KIF5C: variants seen among roughly 807,000 people sequenced by gnomAD.
KIF5C encodes kinesin heavy chain isoform 5C.
A neutral mutation model predicts 125.2 loss-of-function variants in KIF5C; 18 were observed. That is an observed-to-expected ratio of 0.14 (90% confidence interval 0.10 to 0.21). The LOEUF (loss-of-function observed/expected upper bound fraction) is 0.21. Ranked by LOEUF, KIF5C falls within the 10% of genes least tolerant of loss-of-function variation. The probability of loss-of-function intolerance (pLI) is 1.00; values close to 1 mark genes in which losing one functional copy is unlikely to be tolerated. For missense variants in KIF5C, 780 were observed against 1,183.8 expected (o/e 0.66, Z 5.01); for synonymous variants, 405 against 434.0 (o/e 0.93, Z 0.83).
intron 1 of KIF5C, among the ~76,000 whole-genome samples, chr2:148,913,125 G>A (rs577775158): frequency 6.6e-6 from 1 of 152,316 alleles, no homozygotes; most frequent in East Asian, 1.9e-4. Flanking sequence ...TCCATAATAT[G>A]TAGAAGCAAG....
intron 2 of KIF5C, among the ~76,000 whole-genome samples, chr2:148,925,233 G>A (rs1365430650): frequency 1.3e-5 from 2 of 152,156 alleles, no homozygotes; most frequent in African/African-American, 2.4e-5. Context: ...AACTTGGAGC[G>A]GCACAGGGTG....
intron 3 of KIF5C, among the ~76,000 whole-genome samples, chr2:148,935,780 A>G (rs1186755623): frequency 6.6e-6 from 1 of 152,218 alleles, no homozygotes; most frequent in Non-Finnish European, 1.5e-5. Flanking sequence ...AGCACTTTAT[A>G]TATCCTATTT....
Position 148,922,196 on chromosome 2 carries a change from T to C in KIF5C, c.186T>C (p.Val62=). 1 of 1,613,250 alleles carries C rather than the reference T, an allele frequency of 6.2e-7. No individual in the cohort carries two copies. The highest frequency in any genetic ancestry group is 8.5e-7 in the Non-Finnish European group (1 of 1,179,486). The part of the protein sequence containing the change: ...VLPPNTTQEQ[V]YNACAKQIVK... ...CTCCCAACACGACCCAAGAGCAGGT[T>C]TACAATGCATGTGCGAAGCAAATTG... Residue 62 remains valine (V), a synonymous_variant, in exon 2 of 26, where the codon GTT becomes GTC. Transcript: ENST00000435030.
chr2:148,953,118 A>G (rs1210489856), intron 10 of KIF5C, among the ~76,000 whole-genome samples: 2 of 152,242 alleles, frequency 1.3e-5, no homozygotes, highest in Non-Finnish European at 2.9e-5. Flanking sequence ...AGTCATCTAG[A>G]TTCTGCTCTC....
chr2:148,992,714 T>C (rs1359077275), intron 16 of KIF5C, among the ~76,000 whole-genome samples: 1 of 152,248 alleles, frequency 6.6e-6, no homozygotes, highest in Non-Finnish European at 1.5e-5. Context: ...CAGGGGGAAA[T>C]AGTCCATAGA....
At chr2:149,022,878 C>T (rs1386936073) in intron 25 of KIF5C, among the ~76,000 whole-genome samples, 200 bp from the exon 26 acceptor site, 2 of 152,124 alleles carry the variant, frequency 1.3e-5, no homozygotes, top group Non-Finnish European at 2.9e-5. Context: ...GAGTCGATAT[C>T]GCGCCACTGC....
At chr2:148,994,230 G>A (rs190986545) in intron 16 of KIF5C, among the ~76,000 whole-genome samples, 191 bp from the exon 17 acceptor site, 5 of 152,314 alleles carry the variant, frequency 3.3e-5, no homozygotes, top group Admixed American at 1.3e-4. Context: ...AGAAGCACAG[G>A]GAGAAGCAGA....
chr2:148,923,270 G>A (rs969696744), intron 2 of KIF5C, among the ~76,000 whole-genome samples: 3 of 152,256 alleles, frequency 2.0e-5, no homozygotes, highest in East Asian at 1.9e-4. Context: ...ACATCTGTTC[G>A]TTTAATTCTG....
intron 1 of KIF5C, among the ~76,000 whole-genome samples, chr2:148,883,039 T>C (rs1298754263): frequency 6.6e-6 from 1 of 152,244 alleles, no homozygotes; most frequent in East Asian, 1.9e-4. Flanking sequence ...ATTGTCACTT[T>C]GACCTCTGTC....
intron 12 of KIF5C, 64 bp from the exon 13 acceptor site, chr2:148,978,858 G>A: frequency 6.6e-7 from 1 of 1,520,260 alleles, no homozygotes; most frequent in Non-Finnish European, 8.8e-7. Flanking sequence ...GCCTGTCACT[G>A]GGAGACTGGG....
intron 3 of KIF5C, among the ~76,000 whole-genome samples, chr2:148,931,174 A>C (rs1348200002): frequency 6.6e-6 from 1 of 152,214 alleles, no homozygotes; most frequent in Non-Finnish European, 1.5e-5. Flanking sequence ...AACAACAAAA[A>C]CAAAAGCAAC....
intron 15 of KIF5C, among the ~76,000 whole-genome samples, chr2:148,988,281 T>C (rs1681436882): frequency 6.6e-6 from 1 of 152,172 alleles, no homozygotes; most frequent in Non-Finnish European, 1.5e-5. Context: ...AGGGGTATTG[T>C]TTTTATCCAT....
chr2:148,995,504 G>A (rs7589399), intron 17 of KIF5C, among the ~76,000 whole-genome samples: 2,420 of 152,324 alleles, frequency 0.016, 63 homozygotes, highest in African/African-American at 0.055. Flanking sequence ...AATGCAGAAA[G>A]TAGAACAGGA....
Position 148,917,910 on chromosome 2 carries a change from T to G in KIF5C, c.127-4227T>G, listed in dbSNP as rs1490959552. On this transcript the variant is annotated intron_variant, in intron 1 of 25. Transcript: ENST00000435030. ...TTAATGATCTCTTCTTGGGGATAAT[T>G]AATTTCACTTTCCTTAACATCCCTC... Among the ~76,000 whole-genome samples, 3 of 152,208 alleles carry G rather than the reference T, an allele frequency of 2.0e-5. No individual in the cohort carries two copies. In the East Asian group the frequency reaches 5.8e-4, roughly 29 times the overall value.
rs1186963296 is a variant in KIF5C, at chr2:148,876,681, A to G, written c.126+938A>G. On this transcript the variant is annotated intron_variant, in intron 1 of 25. Coordinates refer to ENST00000435030, the MANE Select transcript of KIF5C (RefSeq NM_004522.3). This position sits in a 1 kb window ranked among gnomAD's most constrained non-coding sequence, Gnocchi z 4.7. ...GCTGCTGGTAGGGGGAGGGAACACC[A>G]ATGGATTGTAGTTCTTAAAGGAATC... 1.3e-5 allele frequency among the ~76,000 whole-genome samples: 2 copies of G among 151,512 alleles called. No homozygotes were observed. The highest frequency in any genetic ancestry group is 2.9e-5 in the Non-Finnish European group (2 of 67,870).
chr2:148,900,857 G>C (rs887119164), intron 1 of KIF5C, among the ~76,000 whole-genome samples: 1 of 152,158 alleles, frequency 6.6e-6, no homozygotes, highest in Admixed American at 6.5e-5. Flanking sequence ...AGGGTACCTG[G>C]TCTAGAAGGG....
At chr2:148,992,075 T>C (rs1188535991) in intron 16 of KIF5C, among the ~76,000 whole-genome samples, 1 of 152,142 alleles carries the variant, frequency 6.6e-6, no homozygotes, top group Non-Finnish European at 1.5e-5. Flanking sequence ...CCAACATGGA[T>C]TGGTGTGTCA....
chr2:148,882,128 T>C (rs1558870033), intron 1 of KIF5C, among the ~76,000 whole-genome samples: 2 of 152,170 alleles, frequency 1.3e-5, no homozygotes, highest in South Asian at 2.1e-4. Context: ...GAGAAAACTA[T>C]TTTAGATTCA....
In KIF5C at chr2:148,994,516, G is replaced by T; in HGVS notation, c.2001G>T (p.Glu667Asp). 6.4e-7 allele frequency: 1 copy of T among 1,566,048 alleles called. No homozygotes were observed. ...AGTCCCAGGACTCGCTCAGCGAAGA[G>T]CTGGCAAAGCTCCGAGCCCAGGGTA... ...LEESQDSLSEELAKLRAQEKM... is the reference protein window; with the variant it reads ...LEESQDSLSEDLAKLRAQEKM... The change falls in exon 17 of 26, where the codon GAG becomes GAT. Residue 667 changes from glutamate to aspartate, a missense_variant. Glu to Asp is a conservative substitution (Grantham distance 45). Coordinates refer to ENST00000435030, the MANE Select transcript of KIF5C (RefSeq NM_004522.3).
Sources: allele counts gnomAD v4.1 joint callset (sites outside exome capture counted in the v4.1 genomes callset), GRCh38; gene constraint gnomAD v4.1.1; non-coding constraint Gnocchi (gnomAD v3.1); transcripts MANE v1.5; gene names NCBI Gene and HGNC (gene_info 2026-07-23, HGNC 2026-07-21).